Variants in FLVCR2 observed in about 807,000 individuals in gnomAD.
The protein encoded by FLVCR2 is FLVCR choline and putative heme transporter 2, also known as choline/ethanolamine transporter FLVCR2.
Under a neutral mutation model 48.9 loss-of-function variants are expected in FLVCR2, and 38 were observed. The ratio of observed to expected loss-of-function variants is 0.78; its 90% CI spans 0.60 to 1.02. The LOEUF (loss-of-function observed/expected upper bound fraction) is 1.02, where lower values mean the gene tolerates loss of function less well. FLVCR2 is among the 50% of genes least tolerant of loss of function. FLVCR2 has a pLI of 0.00. For missense variants in FLVCR2, 664 were observed against 663.3 expected, an observed-to-expected ratio of 1.00 and a Z score of -0.01; for synonymous variants, 255 against 257.0, an observed-to-expected ratio of 0.99 and a Z score of 0.07.
chr14:75,643,597 A>T (rs1353080125), intron 9 of FLVCR2, among the ~76,000 whole-genome samples: 2 of 152,200 alleles, frequency 1.3e-5, no homozygotes, highest in Non-Finnish European at 2.9e-5. Context: ...GTCTTTTGCT[A>T]TTACGTTCTA....
At chr14:75,586,322 A>G (rs984950327) in intron 1 of FLVCR2, among the ~76,000 whole-genome samples, 1 of 152,188 alleles carries the variant, frequency 6.6e-6, no homozygotes, top group African/African-American at 2.4e-5. Context: ...AGGGTGGGGG[A>G]GATTACAAAG....
intron 1 of FLVCR2, among the ~76,000 whole-genome samples, chr14:75,619,720 G>A (rs1889715106): frequency 6.6e-6 from 1 of 152,214 alleles, no homozygotes; most frequent in African/African-American, 2.4e-5. Flanking sequence ...AGGTTACCAT[G>A]AGACAGTGTT....
intron 1 of FLVCR2, among the ~76,000 whole-genome samples, chr14:75,608,804 C>A (rs867269402): frequency 3.2e-4 from 49 of 152,258 alleles, no homozygotes; most frequent in African/African-American, 1.1e-3. Context: ...GTATGGCTGC[C>A]CCCGTATTCT....
At chr14:75,579,728 T>A in intron 1 of FLVCR2, 87 bp downstream of exon 1, 8 of 1,414,922 alleles carry the variant, frequency 5.7e-6, no homozygotes, top group Non-Finnish European at 7.9e-6. Flanking sequence ...ATTTGCTGAT[T>A]GTCCAACAGT....
chr14:75,591,298 C>A (rs1425409737), intron 1 of FLVCR2, among the ~76,000 whole-genome samples: 1 of 152,236 alleles, frequency 6.6e-6, no homozygotes, highest in Non-Finnish European at 1.5e-5. Flanking sequence ...CCACCTTGGC[C>A]TCTCAGAGTG....
intron 1 of FLVCR2, among the ~76,000 whole-genome samples, chr14:75,589,384 T>C (rs1888830282): frequency 6.6e-6 from 1 of 152,188 alleles, no homozygotes; most frequent in Admixed American, 6.5e-5. Context: ...CATTAAGTCT[T>C]AAAGCTGGAG....
chr14:75,624,589 C>T, intron 2 of FLVCR2, 23 bp from the exon 3 acceptor site: 1 of 1,613,994 alleles, frequency 6.2e-7, no homozygotes. Flanking sequence ...AATTTTCAGC[C>T]ATCTCTGTTT....
intron 1 of FLVCR2, among the ~76,000 whole-genome samples, chr14:75,604,610 A>G (rs1374622427): frequency 6.6e-6 from 1 of 152,142 alleles, no homozygotes; most frequent in Non-Finnish European, 1.5e-5. Context: ...CAGTACCATC[A>G]TCAATAAAGG....
At chr14:75,600,366 A>G (rs1172662355) in intron 1 of FLVCR2, among the ~76,000 whole-genome samples, 4 of 152,226 alleles carry the variant, frequency 2.6e-5, no homozygotes, top group African/African-American at 4.8e-5. Flanking sequence ...ATAATCAAGA[A>G]GTAACAATAA....
intron 1 of FLVCR2, chr14:75,605,337 C>A: frequency 1.3e-6 from 1 of 790,352 alleles, no homozygotes. Flanking sequence ...TACCTAGCAC[C>A]ATTCCCAAGT....
chr14:75,622,282 C>G (rs1889787569), intron 2 of FLVCR2, 62 bp downstream of exon 2: 9 of 1,490,696 alleles, frequency 6.0e-6, no homozygotes. Flanking sequence ...ATTCTGCTGA[C>G]TTTGATGGGA....
At chr14:75,618,746 G>T (rs1030275018) in intron 1 of FLVCR2, among the ~76,000 whole-genome samples, 2 of 152,200 alleles carry the variant, frequency 1.3e-5, no homozygotes, top group Admixed American at 6.5e-5. Flanking sequence ...GTAGACTTCC[G>T]TGTTGACTAG....
At chr14:75,632,585 G>A in intron 3 of FLVCR2, 1 of 701,656 alleles carries the variant, frequency 1.4e-6, no homozygotes. Context: ...GTAGCTTCCG[G>A]AAGGCTATAT....
chr14:75,616,585 A>C (rs1212912248), intron 1 of FLVCR2, among the ~76,000 whole-genome samples: 1 of 152,142 alleles, frequency 6.6e-6, no homozygotes. Context: ...AGAGCTCTGA[A>C]ATCTAAGGGA....
chr14:75,582,843 G>A (rs1468651321), intron 1 of FLVCR2, among the ~76,000 whole-genome samples: 4 of 152,196 alleles, frequency 2.6e-5, no homozygotes, highest in Non-Finnish European at 5.9e-5. Flanking sequence ...GGTATCCAAA[G>A]GCGGAAGTAC....
chr14:75,631,455 A>T (rs1207945978), intron 3 of FLVCR2, among the ~76,000 whole-genome samples: 1 of 152,210 alleles, frequency 6.6e-6, no homozygotes, highest in Non-Finnish European at 1.5e-5. Context: ...CTTCAGCAGT[A>T]TGGGCCAACC....
intron 1 of FLVCR2, among the ~76,000 whole-genome samples, chr14:75,608,821 G>A (rs1224574375): frequency 1.3e-5 from 2 of 152,082 alleles, no homozygotes; most frequent in African/African-American, 4.8e-5. Flanking sequence ...TTCTCATGCT[G>A]CCCCACCAAA....
chr14:75,579,284 G>C lies in FLVCR2; in HGVS notation c.312G>C (p.Gln104His). The C allele has an allele frequency of 6.2e-7, 1 of 1,614,182 alleles. No individual in the cohort carries two copies. Among genetic ancestry groups the C allele is most frequent in the Admixed American group, 1.7e-5 (1 of 60,012 alleles). Residue 104 changes from glutamine (Q) to histidine (H), a missense_variant, in exon 1 of 10, where the codon CAG becomes CAC. Gln to His is a conservative substitution (Grantham distance 24). Coordinates refer to ENST00000238667, the MANE Select transcript of FLVCR2 (RefSeq NM_017791.3). Reference protein sequence around the residue: ...YSMCNSFQWIQYGSINNIFMH... With the variant: ...YSMCNSFQWIHYGSINNIFMH... ...TGTGCAACTCCTTTCAGTGGATCCA[G>C]TACGGCTCCATCAATAACATCTTCA...
intron 3 of FLVCR2, chr14:75,632,843 C>A (rs1409337571): frequency 1.4e-6 from 1 of 702,198 alleles, no homozygotes; most frequent in Non-Finnish European, 2.6e-6. Context: ...GATAATACTA[C>A]CTACTTTCTA....
Sources: gnomAD v4.1 joint callset for allele counts (sites outside exome capture counted in the v4.1 genomes callset) on GRCh38, gnomAD v4.1.1 for gene constraint, MANE v1.5 for transcripts, NCBI Gene and HGNC (gene_info 2026-07-23, HGNC 2026-07-21) for gene names.